The following EPHB1 variants were observed in gnomAD, a reference collection of about 807,000 sequenced individuals.
The protein encoded by EPHB1 is ephrin type-B receptor 1.
A neutral mutation model predicts 94.4 loss-of-function variants in EPHB1; 30 were observed. The ratio of observed to expected loss-of-function variants is 0.32; its 90% CI spans 0.24 to 0.43. EPHB1 has a LOEUF of 0.43. Ranked by LOEUF, EPHB1 falls within the 20% of genes least tolerant of loss-of-function variation. The probability of loss-of-function intolerance (pLI) is 1.00; values close to 1 mark genes in which losing one functional copy is unlikely to be tolerated. For synonymous variants in EPHB1, 522 were observed against 489.1 expected (o/e 1.07, Z -0.89); for missense variants, 1,055 against 1,308.3 (o/e 0.81, Z 2.99).
intron 1 of EPHB1, among the ~76,000 whole-genome samples, chr3:134,875,403 G>C (rs1400210582): frequency 6.6e-6 from 1 of 152,212 alleles, no homozygotes; most frequent in Non-Finnish European, 1.5e-5. Flanking sequence ...GGGCATGTGG[G>C]CAGTATGAGA....
intron 3 of EPHB1, among the ~76,000 whole-genome samples, chr3:135,014,935 A>G (rs1029115954): frequency 6.6e-6 from 1 of 152,142 alleles, no homozygotes; most frequent in African/African-American, 2.4e-5. Context: ...ATAGACCTCA[A>G]GAGGGAAAGA....
chr3:134,879,921 G>A (rs192838382), intron 1 of EPHB1, among the ~76,000 whole-genome samples: 37 of 152,254 alleles, frequency 2.4e-4, no homozygotes, highest in African/African-American at 7.9e-4. Flanking sequence ...AGAAAAAAAC[G>A]ATCAACATAC....
At chr3:134,870,004 G>A (rs992636573) in intron 1 of EPHB1, among the ~76,000 whole-genome samples, 4 of 152,114 alleles carry the variant, frequency 2.6e-5, no homozygotes, top group African/African-American at 9.7e-5. Flanking sequence ...GTGAGCACTG[G>A]GTCTGTGCAT....
At chr3:135,001,397 C>G (rs1274578577) in intron 3 of EPHB1, among the ~76,000 whole-genome samples, 2 of 152,142 alleles carry the variant, frequency 1.3e-5, no homozygotes, top group Non-Finnish European at 2.9e-5. Flanking sequence ...TGGTCCCCTG[C>G]CTCCATCTCC....
chr3:135,050,660 C>A (rs929017885), intron 3 of EPHB1, among the ~76,000 whole-genome samples: 2 of 152,126 alleles, frequency 1.3e-5, no homozygotes, highest in Non-Finnish European at 1.5e-5. Flanking sequence ...GGCTGGATCC[C>A]TTTTGAATGG....
intron 4 of EPHB1, among the ~76,000 whole-genome samples, chr3:135,130,160 G>A (rs1238604954): frequency 6.6e-6 from 1 of 152,106 alleles, no homozygotes; most frequent in Non-Finnish European, 1.5e-5. Context: ...TTTTGCAATA[G>A]GGTAGGAAAA....
intron 3 of EPHB1, among the ~76,000 whole-genome samples, chr3:135,005,818 C>T (rs1345922405): frequency 3.9e-5 from 6 of 152,244 alleles, no homozygotes; most frequent in Non-Finnish European, 7.3e-5. Flanking sequence ...TGCTTCGGCT[C>T]GCGCACGGTG....
chr3:134,969,709 C>T (rs571718925), intron 3 of EPHB1, among the ~76,000 whole-genome samples: 2 of 152,282 alleles, frequency 1.3e-5, no homozygotes, highest in South Asian at 4.1e-4. Context: ...GACTTGAAAT[C>T]AAATTTTTAT....
intron 3 of EPHB1, among the ~76,000 whole-genome samples, chr3:135,047,726 C>T (rs1416147117): frequency 6.6e-6 from 1 of 152,154 alleles, no homozygotes; most frequent in Non-Finnish European, 1.5e-5. Flanking sequence ...ACCCTTGTGA[C>T]AGTTTCTTTT....
At chr3:135,160,949 T>C (rs1941488539) in intron 6 of EPHB1, among the ~76,000 whole-genome samples, 1 of 152,098 alleles carries the variant, frequency 6.6e-6, no homozygotes, top group African/African-American at 2.4e-5. Flanking sequence ...ATGTGAGAGA[T>C]TGGAATTGAC....
intron 5 of EPHB1, among the ~76,000 whole-genome samples, chr3:135,135,349 G>A (rs1459545271): frequency 6.6e-6 from 1 of 152,134 alleles, no homozygotes; most frequent in Non-Finnish European, 1.5e-5. Flanking sequence ...GAATCTATGT[G>A]TAAATACAAA....
At chr3:135,002,395 T>A (rs1033635491) in intron 3 of EPHB1, among the ~76,000 whole-genome samples, 8 of 152,332 alleles carry the variant, frequency 5.3e-5, no homozygotes, top group Middle Eastern at 3.4e-3. Flanking sequence ...ATCAAGGATA[T>A]TGGTGATATT....
intron 6 of EPHB1, chr3:135,154,508 C>A (rs1409616293): frequency 8.3e-6 from 4 of 481,846 alleles, no homozygotes; most frequent in Non-Finnish European, 1.5e-5. Context: ...CACCATCCTG[C>A]AATCTGGATA....
intron 2 of EPHB1, among the ~76,000 whole-genome samples, chr3:134,939,313 CT>C (rs1160501729): frequency 4.2e-5 from 6 of 143,890 alleles, no homozygotes; most frequent in African/African-American, 1.6e-4. Context: ...CAGAAGCAGT[CT>C]CCAACCCTGA....
intron 12 of EPHB1, among the ~76,000 whole-genome samples, chr3:135,217,084 C>T (rs987997908): frequency 2.0e-5 from 3 of 152,122 alleles, no homozygotes; most frequent in Non-Finnish European, 4.4e-5. Flanking sequence ...AAAACCTTAG[C>T]CTTAGGGGCC....
At chr3:134,936,246 T>C (rs1292477175) in intron 2 of EPHB1, among the ~76,000 whole-genome samples, 3 of 152,024 alleles carry the variant, frequency 2.0e-5, no homozygotes, top group Non-Finnish European at 4.4e-5. Flanking sequence ...ACCTGATAAA[T>C]CATTGTTTAA....
intron 3 of EPHB1, among the ~76,000 whole-genome samples, chr3:134,977,202 C>G (rs1405807453): frequency 6.6e-6 from 1 of 152,170 alleles, no homozygotes; most frequent in African/African-American, 2.4e-5. Flanking sequence ...TCACACTCCT[C>G]AAGGCACCGC....
chr3:135,227,276 TAAAC>T lies in EPHB1; in HGVS notation c.2347-13868_2347-13865del, dbSNP rs565461964. 2.9e-3 allele frequency among the ~76,000 whole-genome samples: 441 copies of T among 152,274 alleles called. 1 individual carries two copies. Among genetic ancestry groups the T allele is most frequent in the Non-Finnish European group, 5.0e-3 (342 of 67,998 alleles). On this transcript the variant is annotated intron_variant, in intron 12 of 15. Coordinates refer to ENST00000398015, the MANE Select transcript of EPHB1 (RefSeq NM_004441.5). Reference sequence around the variant, plus strand: ...TAAAATAAAATCTGCAATTTAAAAATAAACAAAATGCTTCATAACATTAAAAAAT... The same window carrying T: ...TAAAATAAAATCTGCAATTTAAAAATAAAATGCTTCATAACATTAAAAAAT...
At chr3:134,912,907 C>G (rs1406285583) in intron 1 of EPHB1, among the ~76,000 whole-genome samples, 1 of 152,212 alleles carries the variant, frequency 6.6e-6, no homozygotes, top group Non-Finnish European at 1.5e-5. Flanking sequence ...GAAAGGGTAT[C>G]TGGCCATCTT....
Sources: allele counts gnomAD v4.1 joint callset (sites outside exome capture counted in the v4.1 genomes callset), GRCh38; gene constraint gnomAD v4.1.1; transcripts MANE v1.5; gene names NCBI Gene and HGNC (gene_info 2026-07-23, HGNC 2026-07-21).